The following SPECC1 variants were observed in gnomAD, a reference collection of about 807,000 sequenced individuals.
SPECC1 encodes the protein cytospin-B.
In SPECC1, 62 loss-of-function variants were observed where a neutral mutation model predicts 104.1. That is an observed-to-expected ratio of 0.60 (90% CI 0.49 to 0.74). SPECC1 has a LOEUF of 0.74. Among genes scored for constraint, SPECC1 ranks in the 30% least tolerant of loss-of-function variants. The pLI, the probability that SPECC1 is intolerant of heterozygous loss-of-function variation, is 0.00. For synonymous variants in SPECC1, 513 were observed against 501.6 expected (o/e 1.02, Z -0.30); for missense variants, 1,306 against 1,310.5 (o/e 1.00, Z 0.05).
rs4925085 is a variant in SPECC1, at chr17:20,096,818, G to T, written c.147+20G>T. 860,341 of 1,602,222 alleles carry T rather than the reference G, an allele frequency of 0.54. 236,068 individuals carry two copies. The highest frequency in any genetic ancestry group is 0.58 in the Middle Eastern group (3,515 of 6,014). ...AGCAGGGTATGGATCAAAATGCACAGGGCCAGGCAGAGCGCCTGGATACCC... is the reference window on the plus strand; with the variant it reads ...AGCAGGGTATGGATCAAAATGCACATGGCCAGGCAGAGCGCCTGGATACCC... On this transcript the variant is annotated intron_variant, in intron 2 of 14. Coordinates refer to ENST00000395527, the MANE Select transcript of SPECC1 (RefSeq NM_001243439.2).
intron 3 of SPECC1, among the ~76,000 whole-genome samples, chr17:20,190,254 G>A (rs2035571692): frequency 6.6e-6 from 1 of 152,132 alleles, no homozygotes. Flanking sequence ...CTATAAAGCT[G>A]ACGGATTGCT....
At chr17:20,160,485 T>C (rs1029750301) in intron 3 of SPECC1, among the ~76,000 whole-genome samples, 1 of 152,192 alleles carries the variant, frequency 6.6e-6, no homozygotes, top group African/African-American at 2.4e-5. Context: ...GCAGAGAGCA[T>C]GCATATTGGT....
chr17:20,197,224 T>C (rs2036095768), intron 3 of SPECC1, among the ~76,000 whole-genome samples: 1 of 152,216 alleles, frequency 6.6e-6, no homozygotes, highest in Non-Finnish European at 1.5e-5. Flanking sequence ...AGAGCTTGAA[T>C]ATCTGCTTTT....
At chr17:20,236,025 C>T (rs1033832121) in intron 7 of SPECC1, among the ~76,000 whole-genome samples, 15 of 152,298 alleles carry the variant, frequency 9.8e-5, no homozygotes, top group African/African-American at 2.9e-4. Flanking sequence ...GGGTCACAGC[C>T]GCTCAGCATG....
At chr17:20,025,549 C>T (rs1202743626) in intron 1 of SPECC1, among the ~76,000 whole-genome samples, 2 of 152,142 alleles carry the variant, frequency 1.3e-5, no homozygotes, top group Non-Finnish European at 1.5e-5. Context: ...GATGTCACTC[C>T]TTGTATGGGC....
chr17:20,153,474 C>T (rs1191946519), intron 3 of SPECC1, among the ~76,000 whole-genome samples: 3 of 151,952 alleles, frequency 2.0e-5, no homozygotes, highest in Non-Finnish European at 4.4e-5. Flanking sequence ...ATTTAAGTAG[C>T]AGCGAAAGTG....
At chr17:20,080,780 C>T (rs755564549) in intron 1 of SPECC1, among the ~76,000 whole-genome samples, 25 of 151,984 alleles carry the variant, frequency 1.6e-4, no homozygotes, top group Admixed American at 8.5e-4. Flanking sequence ...GACAAGAAGG[C>T]GGTACAGCAG....
At chr17:20,014,031 T>C (rs143140209) in intron 1 of SPECC1, among the ~76,000 whole-genome samples, 113 of 152,052 alleles carry the variant, frequency 7.4e-4, no homozygotes, top group Non-Finnish European at 1.2e-3. Flanking sequence ...TGCTCGGTTT[T>C]AGTAGATACT....
At chr17:20,310,022 A>G (rs1314730143) in intron 14 of SPECC1, among the ~76,000 whole-genome samples, 1 of 151,840 alleles carries the variant, frequency 6.6e-6, no homozygotes, top group African/African-American at 2.4e-5. Flanking sequence ...GGGTTTCATC[A>G]TGTTAGCCAG....
intron 1 of SPECC1, among the ~76,000 whole-genome samples, chr17:20,036,309 T>C (rs2045076381): frequency 6.6e-6 from 1 of 152,074 alleles, no homozygotes; most frequent in Non-Finnish European, 1.5e-5. Context: ...TTTGTATTAT[T>C]AGTGGAGACG....
At chr17:20,190,703 A>G (rs1597925736) in intron 3 of SPECC1, among the ~76,000 whole-genome samples, 1 of 152,174 alleles carries the variant, frequency 6.6e-6, no homozygotes, top group African/African-American at 2.4e-5. Context: ...GGATAAATGT[A>G]TAATGCCATG....
intron 1 of SPECC1, among the ~76,000 whole-genome samples, chr17:20,032,908 A>T: frequency 6.6e-6 from 1 of 151,456 alleles, no homozygotes; most frequent in African/African-American, 2.4e-5. Flanking sequence ...ATATGTATAT[A>T]TGTGTATGTG....
chr17:20,214,842 G>A (rs2037385118), intron 4 of SPECC1, among the ~76,000 whole-genome samples: 1 of 152,192 alleles, frequency 6.6e-6, no homozygotes, highest in Admixed American at 6.5e-5. Flanking sequence ...GTGTAGAAGG[G>A]AGGCTCAGTA....
chr17:20,171,155 A>G (rs1188223122), intron 3 of SPECC1, among the ~76,000 whole-genome samples: 1 of 152,218 alleles, frequency 6.6e-6, no homozygotes, highest in Non-Finnish European at 1.5e-5. Flanking sequence ...AGATACATGG[A>G]ATTAATATAC....
intron 3 of SPECC1, among the ~76,000 whole-genome samples, chr17:20,169,950 C>T (rs1437705838): frequency 6.6e-6 from 1 of 152,210 alleles, no homozygotes; most frequent in Non-Finnish European, 1.5e-5. Context: ...TCAGATCAAA[C>T]CAGCCTATGT....
chr17:20,162,337 AG>A (rs2033240320), intron 3 of SPECC1, among the ~76,000 whole-genome samples: 1 of 146,248 alleles, frequency 6.8e-6, no homozygotes, highest in Non-Finnish European at 1.5e-5. Flanking sequence ...TAGTAGACAC[AG>A]GGTTTCACCG....
chr17:20,316,749 T>G lies in SPECC1; in HGVS notation c.*2684T>G, dbSNP rs1225182199. ...TCTTGCTCTGTCGCCCAGGCTGGAG[T>G]GCCAGTGGCGCGATTTCAGCTCACT... On this transcript the variant is annotated 3_prime_UTR_variant, in exon 15 of 15. Transcript: ENST00000395527. 2 of 196,280 alleles carry G rather than the reference T, an allele frequency of 1.0e-5. No individual in the cohort carries two copies. The highest frequency in any genetic ancestry group is 2.1e-5 in the Non-Finnish European group (2 of 94,740). The allele number at this position is 196,280 out of a possible 1,614,324, so 12.2% of individuals were successfully genotyped here.
intron 12 of SPECC1, among the ~76,000 whole-genome samples, chr17:20,295,060 G>T (rs185121777): frequency 1.3e-5 from 2 of 151,816 alleles, no homozygotes; most frequent in African/African-American, 4.8e-5. Context: ...TGGGGTACAT[G>T]TGCACAATGT....
At chr17:20,121,343 C>A (rs1221993844) in intron 3 of SPECC1, among the ~76,000 whole-genome samples, 21 of 142,322 alleles carry the variant, frequency 1.5e-4, no homozygotes, top group Admixed American at 1.4e-3. Flanking sequence ...ATCTGAATTC[C>A]AAAAAAGAAT....
Sources: allele counts gnomAD v4.1 joint callset (sites outside exome capture counted in the v4.1 genomes callset), GRCh38; gene constraint gnomAD v4.1.1; transcripts MANE v1.5; gene names NCBI Gene and HGNC (gene_info 2026-07-23, HGNC 2026-07-21).